The following DGKB variants were observed in gnomAD, a reference collection of about 807,000 sequenced individuals.
DGKB encodes 90 kDa diacylglycerol kinase.
A neutral mutation model predicts 114.3 loss-of-function variants in DGKB; 67 were observed. The ratio of observed to expected loss-of-function variants is 0.59; its 90% CI spans 0.48 to 0.72. The LOEUF (loss-of-function observed/expected upper bound fraction) is 0.72, where lower values mean the gene tolerates loss of function less well. Among genes scored for constraint, DGKB ranks in the 30% least tolerant of loss-of-function variants. The probability of loss-of-function intolerance (pLI) is 0.00; values close to 1 mark genes in which losing one functional copy is unlikely to be tolerated. For synonymous variants in DGKB, 398 were observed against 323.1 expected (o/e 1.23, Z -2.49); for missense variants, 907 against 975.2 (o/e 0.93, Z 0.93).
chr7:14,421,192 G>T (rs182777347), intron 21 of DGKB, among the ~76,000 whole-genome samples: 1 of 152,026 alleles, frequency 6.6e-6, no homozygotes, highest in Admixed American at 6.6e-5. Flanking sequence ...GCTTGAGCCC[G>T]CTCCAATTCT....
At chr7:14,408,280 G>C (rs752526488) in intron 21 of DGKB, among the ~76,000 whole-genome samples, 2 of 152,006 alleles carry the variant, frequency 1.3e-5, no homozygotes, top group Non-Finnish European at 2.9e-5. Context: ...CAGGAAAAAC[G>C]CCCATAGCCT....
intron 22 of DGKB, 61 bp downstream of exon 22, chr7:14,345,240 A>G (rs771604355): frequency 2.8e-5 from 26 of 939,434 alleles, no homozygotes; most frequent in Non-Finnish European, 4.2e-5. Flanking sequence ...ATGCAAATAT[A>G]CTAACAACAA....
At chr7:14,531,508 C>T (rs1413060606) in intron 20 of DGKB, among the ~76,000 whole-genome samples, 1 of 151,368 alleles carries the variant, frequency 6.6e-6, no homozygotes, top group African/African-American at 2.4e-5. Flanking sequence ...AGAATGGAAA[C>T]TTGCATTATA....
chr7:14,839,839 T>A (rs1847679566), intron 2 of DGKB, among the ~76,000 whole-genome samples: 1 of 152,140 alleles, frequency 6.6e-6, no homozygotes, highest in Admixed American at 6.5e-5. Flanking sequence ...TTTTTAGTTT[T>A]TTAAAATGCC....
chr7:14,290,564 C>G (rs1250693090), intron 23 of DGKB, among the ~76,000 whole-genome samples: 2 of 152,130 alleles, frequency 1.3e-5, no homozygotes, highest in Non-Finnish European at 1.5e-5. Flanking sequence ...CCTCGGTACC[C>G]TCTACCTGAT....
At position 14,339,256 on chromosome 7, in the gene DGKB, A is replaced by G. The variant is rs116270346; in HGVS notation, c.1927-546T>C. 8.9e-3 allele frequency among the ~76,000 whole-genome samples: 1,353 copies of G among 152,054 alleles called. 15 individuals are homozygous for G. The highest frequency in any genetic ancestry group is 0.031 in the African/African-American group (1,283 of 41,502). ...AAAGCAGAGATTCTAAGAGATTTCAATCACACTGAATTTACCAAGGGTGGT... is the reference window on the plus strand; with the variant it reads ...AAAGCAGAGATTCTAAGAGATTTCAGTCACACTGAATTTACCAAGGGTGGT... On this transcript the variant is annotated intron_variant, in intron 22 of 25. Transcript: ENST00000402815.
At chr7:14,266,338 AT>A (rs1431471647) in intron 23 of DGKB, among the ~76,000 whole-genome samples, 2 of 152,084 alleles carry the variant, frequency 1.3e-5, no homozygotes, top group Non-Finnish European at 2.9e-5. Context: ...TTTTAAAATG[AT>A]TTTTTCATTT....
intron 23 of DGKB, among the ~76,000 whole-genome samples, chr7:14,244,877 C>T (rs1287765647): frequency 2.6e-5 from 4 of 151,946 alleles, no homozygotes; most frequent in African/African-American, 9.7e-5. Flanking sequence ...GCCTCCAGAA[C>T]TGTGAGAAGT....
chr7:14,284,304 C>T (rs1433916532), intron 23 of DGKB, among the ~76,000 whole-genome samples: 2 of 144,778 alleles, frequency 1.4e-5, no homozygotes, highest in Non-Finnish European at 3.0e-5. Context: ...ATCAAAACCA[C>T]AATGAGATAC....
At chr7:14,803,427 T>C (rs572176988) in intron 2 of DGKB, among the ~76,000 whole-genome samples, 7 of 152,320 alleles carry the variant, frequency 4.6e-5, no homozygotes, top group African/African-American at 1.7e-4. Context: ...TGTTTGTGTG[T>C]AAGATGTAAG....
intron 13 of DGKB, among the ~76,000 whole-genome samples, chr7:14,666,574 A>T (rs1818062941): frequency 6.6e-6 from 1 of 152,010 alleles, no homozygotes; most frequent in Admixed American, 6.6e-5. Flanking sequence ...ATCTGTTTTG[A>T]CAATCAGTTG....
chr7:14,356,302 T>C (rs1216423957), intron 21 of DGKB, among the ~76,000 whole-genome samples: 2 of 151,720 alleles, frequency 1.3e-5, no homozygotes, highest in African/African-American at 4.8e-5. Context: ...TCTTAGTTGT[T>C]TCTTGCCTTC....
At chr7:14,974,673 T>C (rs1031988620) in intron 1 of DGKB, 1 of 152,150 alleles carries the variant, frequency 6.6e-6, no homozygotes, top group Non-Finnish European at 1.5e-5. Flanking sequence ...AAAGCATACA[T>C]TTTTCAAATA....
chr7:14,179,908 T>C (rs1584284474), intron 23 of DGKB, among the ~76,000 whole-genome samples: 1 of 152,210 alleles, frequency 6.6e-6, no homozygotes, highest in African/African-American at 2.4e-5. Context: ...AAACTTATTC[T>C]GTGTTTCTAG....
At chr7:14,971,768 T>G (rs1787486083) in intron 1 of DGKB, among the ~76,000 whole-genome samples, 1 of 151,760 alleles carries the variant, frequency 6.6e-6, no homozygotes, top group South Asian at 2.1e-4. Flanking sequence ...AAGCATTTTT[T>G]TTTTTTTTTT....
intron 1 of DGKB, among the ~76,000 whole-genome samples, chr7:14,950,805 G>A (rs1786155722): frequency 6.6e-6 from 1 of 151,658 alleles, no homozygotes; most frequent in Non-Finnish European, 1.5e-5. Flanking sequence ...AAGTAGTATA[G>A]CCCAATATAT....
chr7:14,526,741 C>T (rs1790705625), intron 20 of DGKB, among the ~76,000 whole-genome samples: 1 of 152,072 alleles, frequency 6.6e-6, no homozygotes, highest in African/African-American at 2.4e-5. Flanking sequence ...TTGATCTGTG[C>T]ATCTAATGCA....
chr7:14,626,476 T>A (rs1459145672), intron 14 of DGKB, among the ~76,000 whole-genome samples: 2 of 152,180 alleles, frequency 1.3e-5, no homozygotes, highest in Non-Finnish European at 2.9e-5. Context: ...CCAGAAACCC[T>A]AGAGTTTTTA....
intron 20 of DGKB, among the ~76,000 whole-genome samples, chr7:14,524,921 A>C (rs1705498283): frequency 6.6e-6 from 1 of 152,100 alleles, no homozygotes; most frequent in African/African-American, 2.4e-5. Flanking sequence ...ATACACACTA[A>C]AATATTTGTA....
Sources: allele counts gnomAD v4.1 joint callset (sites outside exome capture counted in the v4.1 genomes callset), GRCh38; gene constraint gnomAD v4.1.1; transcripts MANE v1.5; gene names NCBI Gene and HGNC (gene_info 2026-07-23, HGNC 2026-07-21).